Variants in RBFOX1 observed in about 807,000 individuals in gnomAD.
RBFOX1 encodes RNA binding protein fox-1 homolog 1.
A neutral mutation model predicts 57.7 loss-of-function variants in RBFOX1; 8 were observed. That is an observed-to-expected ratio of 0.14 (90% CI 0.08 to 0.25). The LOEUF (loss-of-function observed/expected upper bound fraction) is 0.25, where lower values mean the gene tolerates loss of function less well. RBFOX1 is among the 10% of genes least tolerant of loss of function. The pLI is 1.00. For missense variants in RBFOX1, 611 were observed against 548.5 expected (o/e 1.11, Z -1.14); for synonymous variants, 326 against 222.4 (o/e 1.47, Z -4.15).
At chr16:5,644,222 AAG>A (rs1473306843) in intron 3 of RBFOX1, among the ~76,000 whole-genome samples, 2 of 152,336 alleles carry the variant, frequency 1.3e-5, no homozygotes, top group East Asian at 3.9e-4. Context: ...CCTTTAAAAA[AAG>A]TAAATTGGGG....
At chr16:5,690,851 A>C (rs74727040) in intron 3 of RBFOX1, among the ~76,000 whole-genome samples, 2,216 of 152,252 alleles carry the variant, frequency 0.015, 57 homozygotes, top group East Asian at 0.096. Flanking sequence ...TTGTTTTTAC[A>C]TGCCCAGTTT....
chr16:7,029,107 CACACACACACACACAT>C (rs2041990206), intron 3 of RBFOX1, among the ~76,000 whole-genome samples: 2 of 70,566 alleles, frequency 2.8e-5, no homozygotes, highest in East Asian at 5.8e-4. Context: ...CACACACACA[CACACACACACACACAT>C]ATACGTATAT....
chr16:7,062,892 C>CTTTTTTTT lies in RBFOX1; in HGVS notation c.27+10794_27+10795insTTTTTTTT, dbSNP rs1491558284. Reference sequence around the variant, plus strand: ...TACCTCATCTCATTCAAATGATCGCCATTTTTTTTTTTTTTTTTTTTTTTT... The same window carrying CTTTTTTTT: ...TACCTCATCTCATTCAAATGATCGCCTTTTTTTTATTTTTTTTTTTTTTTTTTTTTTTT... On this transcript the variant is annotated intron_variant, in intron 4 of 15. Coordinates refer to ENST00000550418, the MANE Select transcript of RBFOX1 (RefSeq NM_018723.4). 8.0e-4 allele frequency among the ~76,000 whole-genome samples: 48 copies of CTTTTTTTT among 59,950 alleles called. 13 individuals carry two copies. Among genetic ancestry groups the CTTTTTTTT allele is most frequent in the Admixed American group, 1.9e-3 (8 of 4,236 alleles). 39.3% of individuals were successfully genotyped at this position (59,950 alleles called of 152,430 possible). A position where few individuals can be genotyped will look rare whatever the true frequency, so the allele number is the denominator to read the frequency against.
chr16:7,043,761 C>T (rs1425289440), intron 3 of RBFOX1, among the ~76,000 whole-genome samples: 1 of 152,154 alleles, frequency 6.6e-6, no homozygotes, highest in Non-Finnish European at 1.5e-5. Context: ...CTCCTACTTT[C>T]CCCAGTTCAA....
At chr16:6,090,930 C>A (rs533654828) in intron 1 of RBFOX1, among the ~76,000 whole-genome samples, 1 of 152,314 alleles carries the variant, frequency 6.6e-6, no homozygotes, top group East Asian at 1.9e-4. Flanking sequence ...AGTATTGATT[C>A]ATATGGTTTG....
intron 4 of RBFOX1, among the ~76,000 whole-genome samples, chr16:7,305,341 G>A (rs1568124770): frequency 6.6e-6 from 1 of 152,096 alleles, no homozygotes; most frequent in South Asian, 2.1e-4. Flanking sequence ...CTGGGCTTGG[G>A]AAATAGCTCA....
At position 5,426,526 on chromosome 16, in the gene RBFOX1, C is replaced by T. The variant is rs1366354721; in HGVS notation, c.220-40690C>T. Among the ~76,000 whole-genome samples the T allele has an allele frequency of 3.9e-5, 6 of 152,198 alleles. No homozygotes were observed. In the East Asian group the frequency reaches 9.6e-4, roughly 24 times the overall value. On this transcript the variant is annotated intron_variant, in intron 1 of 2. Transcript: ENST00000585867. ...TCAGCACAGAGCCACGTGCTTCTCT[C>T]CAGGGATGCCACAGACTGTGCAAAA... is the stretch of plus-strand genomic sequence containing the variant.
At chr16:5,372,037 G>A (rs116467877) in intron 1 of RBFOX1, among the ~76,000 whole-genome samples, 2 of 152,168 alleles carry the variant, frequency 1.3e-5, no homozygotes, top group Admixed American at 6.5e-5. Context: ...TCATGATTTT[G>A]TGAGAGCAAA....
At chr16:6,707,241 A>G (rs1401233357) in intron 3 of RBFOX1, among the ~76,000 whole-genome samples, 1 of 152,198 alleles carries the variant, frequency 6.6e-6, no homozygotes, top group African/African-American at 2.4e-5. Flanking sequence ...CATTTCCTAA[A>G]CGGTCCTCCT....
intron 3 of RBFOX1, among the ~76,000 whole-genome samples, chr16:6,808,380 A>G (rs1319562154): frequency 6.6e-6 from 1 of 151,946 alleles, no homozygotes; most frequent in African/African-American, 2.4e-5. Flanking sequence ...TTCAATGCCT[A>G]AAGTATTGCT....
chr16:7,127,062 C>T lies in RBFOX1; in HGVS notation c.27+74964C>T, dbSNP rs533508594. Reference sequence around the variant, plus strand: ...AGACCTAAGAGAAAATCTGGTTGGTCCTTCCTAGACCCCTTTTGTTTAAAC... The same window carrying T: ...AGACCTAAGAGAAAATCTGGTTGGTTCTTCCTAGACCCCTTTTGTTTAAAC... On this transcript the variant is annotated intron_variant, in intron 4 of 15. Coordinates refer to ENST00000550418, the MANE Select transcript of RBFOX1 (RefSeq NM_018723.4). 2.6e-5 allele frequency among the ~76,000 whole-genome samples: 4 copies of T among 151,530 alleles called. No homozygotes were observed. In the South Asian group the frequency reaches 8.4e-4, roughly 32 times the overall value.
chr16:6,235,373 G>GCTGT (rs1394494136), intron 1 of RBFOX1, among the ~76,000 whole-genome samples: 2 of 152,070 alleles, frequency 1.3e-5, no homozygotes, highest in Non-Finnish European at 2.9e-5. Flanking sequence ...ACCAGCCCCA[G>GCTGT]CTGTCTGTCT....
chr16:5,247,137 A>G (rs1241553496), intron 1 of RBFOX1, among the ~76,000 whole-genome samples: 1 of 152,178 alleles, frequency 6.6e-6, no homozygotes, highest in East Asian at 1.9e-4. Context: ...TTGTGTACAT[A>G]CACCACATTG....
intron 3 of RBFOX1, among the ~76,000 whole-genome samples, chr16:5,772,703 A>G (rs141690622): frequency 3.2e-4 from 48 of 152,282 alleles, no homozygotes; most frequent in Non-Finnish European, 4.4e-4. Flanking sequence ...ACCAAGGACA[A>G]TTTGCTGAGA....
chr16:6,266,923 C>T (rs998039884), intron 1 of RBFOX1, among the ~76,000 whole-genome samples: 4 of 152,152 alleles, frequency 2.6e-5, no homozygotes, highest in East Asian at 1.9e-4. Flanking sequence ...ATTCCATACT[C>T]TTAGCAGAGT....
At chr16:7,044,090 A>G (rs1035993427) in intron 3 of RBFOX1, among the ~76,000 whole-genome samples, 1 of 152,164 alleles carries the variant, frequency 6.6e-6, no homozygotes, top group Non-Finnish European at 1.5e-5. Flanking sequence ...CAATAGCTCC[A>G]GTAGCCTTCT....
intron 3 of RBFOX1, chr16:6,704,169 C>A (rs529876498): frequency 6.6e-6 from 1 of 152,184 alleles, no homozygotes; most frequent in Non-Finnish European, 1.5e-5. Context: ...TATTATCATC[C>A]CCATGTTGTG....
At position 7,388,623 on chromosome 16, in the gene RBFOX1, A is replaced by C. The variant is rs975180867; in HGVS notation, c.28-129524A>C. ...ATAATACACATCCAGGCAGTCCCCAACTTAAAAGTGGTTTCACTTACTTTT... is the reference window on the plus strand; with the variant it reads ...ATAATACACATCCAGGCAGTCCCCACCTTAAAAGTGGTTTCACTTACTTTT... On this transcript the variant is annotated intron_variant, in intron 4 of 15. Transcript: ENST00000550418. 3.4e-5 allele frequency among the ~76,000 whole-genome samples: 5 copies of C among 147,898 alleles called. No homozygotes were observed. The East Asian group carries it at 6.0e-4, about 18-fold the overall frequency.
intron 3 of RBFOX1, among the ~76,000 whole-genome samples, chr16:5,836,196 C>G (rs981235719): frequency 1.3e-5 from 2 of 152,134 alleles, no homozygotes; most frequent in Non-Finnish European, 2.9e-5. Flanking sequence ...GGCTCTGCAG[C>G]TGGGGGGTGA....
Sources: allele counts gnomAD v4.1 joint callset (sites outside exome capture counted in the v4.1 genomes callset), GRCh38; gene constraint gnomAD v4.1.1; transcripts MANE v1.5; gene names NCBI Gene and HGNC (gene_info 2026-07-23, HGNC 2026-07-21).